Variants in STPG2 observed in about 807,000 individuals in gnomAD.
STPG2 encodes sperm-tail PG-rich repeat-containing protein 2.
A neutral mutation model predicts 54.2 loss-of-function variants in STPG2; 56 were observed. That is an observed-to-expected ratio of 1.03 (90% confidence interval 0.83 to 1.29). The LOEUF is 1.29. STPG2 is among the 50% of genes most tolerant of loss of function. The pLI is 0.00. For missense variants in STPG2, 596 were observed against 544.9 expected (o/e 1.09, Z -0.93); for synonymous variants, 200 against 181.8 (o/e 1.10, Z -0.81).
chr4:97,966,120 A>G (rs567445440), intron 7 of STPG2, among the ~76,000 whole-genome samples: 2 of 152,344 alleles, frequency 1.3e-5, no homozygotes, highest in South Asian at 4.1e-4. Context: ...CAAGCAAGCT[A>G]GCTAAAAACC....
chr4:98,030,906 A>G (rs1407853893), intron 5 of STPG2, among the ~76,000 whole-genome samples: 1 of 152,140 alleles, frequency 6.6e-6, no homozygotes. Context: ...TAAAGACTTA[A>G]ATTTTAAAAT....
intron 10 of STPG2, among the ~76,000 whole-genome samples, chr4:97,689,753 T>A (rs1444084407): frequency 2.0e-5 from 3 of 152,126 alleles, no homozygotes; most frequent in Non-Finnish European, 2.9e-5. Flanking sequence ...TAATACTATT[T>A]AAGACACAAG....
chr4:98,030,156 A>G (rs1736548796), intron 5 of STPG2, among the ~76,000 whole-genome samples: 1 of 152,198 alleles, frequency 6.6e-6, no homozygotes, highest in Admixed American at 6.5e-5. Flanking sequence ...AATGCCATCA[A>G]TATACCAGAC....
At chr4:97,769,587 G>T (rs1249916622) in intron 9 of STPG2, among the ~76,000 whole-genome samples, 4 of 151,942 alleles carry the variant, frequency 2.6e-5, no homozygotes, top group Middle Eastern at 3.4e-3. Flanking sequence ...TAATACTTAA[G>T]CACTAAAGGA....
At chr4:97,461,369 C>T (rs1358871150) in intron 4 of STPG2, among the ~76,000 whole-genome samples, 1 of 152,102 alleles carries the variant, frequency 6.6e-6, no homozygotes, top group Non-Finnish European at 1.5e-5. Context: ...GAAATCCTAC[C>T]TCTTGCAATG....
intron 7 of STPG2, among the ~76,000 whole-genome samples, chr4:97,954,671 A>C (rs1031297527): frequency 5.3e-5 from 8 of 152,220 alleles, no homozygotes; most frequent in Admixed American, 2.0e-4. Context: ...GTAATGGCAA[A>C]AATGTAATCA....
chr4:97,778,090 G>C (rs1028859340), intron 9 of STPG2, among the ~76,000 whole-genome samples: 1 of 152,144 alleles, frequency 6.6e-6, no homozygotes, highest in African/African-American at 2.4e-5. Flanking sequence ...GCAGCCCACC[G>C]AGCATAAGCC....
At chr4:97,501,035 T>G (rs924090242) in intron 4 of STPG2, among the ~76,000 whole-genome samples, 1 of 151,954 alleles carries the variant, frequency 6.6e-6, no homozygotes, top group African/African-American at 2.4e-5. Context: ...CTAGAAGAGA[T>G]AGAAAATGTT....
intron 8 of STPG2, among the ~76,000 whole-genome samples, chr4:97,855,814 C>A (rs1380088135): frequency 6.6e-6 from 1 of 152,062 alleles, no homozygotes; most frequent in African/African-American, 2.4e-5. Flanking sequence ...ACATTTAAGT[C>A]TTTAATCCAT....
intron 10 of STPG2, among the ~76,000 whole-genome samples, chr4:97,642,147 T>C (rs1721784402): frequency 6.6e-6 from 1 of 151,380 alleles, no homozygotes; most frequent in African/African-American, 2.4e-5. Context: ...ATTAGACCTA[T>C]TTGTAGAGTG....
chr4:97,511,719 C>T (rs1275195513), intron 4 of STPG2, among the ~76,000 whole-genome samples: 1 of 151,904 alleles, frequency 6.6e-6, no homozygotes, highest in African/African-American at 2.4e-5. Flanking sequence ...ACTTGAGGAT[C>T]GCTTACCATA....
At chr4:97,562,345 A>T (rs183419283) in intron 10 of STPG2, among the ~76,000 whole-genome samples, 2 of 152,178 alleles carry the variant, frequency 1.3e-5, no homozygotes, top group Non-Finnish European at 2.9e-5. Flanking sequence ...TTTTGGGCTG[A>T]GAAAATGGGG....
intron 10 of STPG2, among the ~76,000 whole-genome samples, chr4:97,568,129 A>C (rs181284625): frequency 6.6e-6 from 1 of 152,322 alleles, no homozygotes; most frequent in East Asian, 1.9e-4. Flanking sequence ...AAAAACAAAA[A>C]CATAAACAAA....
intron 10 of STPG2, among the ~76,000 whole-genome samples, chr4:97,684,955 T>C (rs1345853920): frequency 1.3e-5 from 2 of 151,982 alleles, no homozygotes; most frequent in African/African-American, 4.8e-5. Context: ...AGATGGCAAG[T>C]AAGCATATAA....
intron 10 of STPG2, among the ~76,000 whole-genome samples, chr4:97,567,189 AACACACACAC>A (rs142654573): frequency 6.9e-6 from 1 of 145,384 alleles, no homozygotes; most frequent in Non-Finnish European, 1.5e-5. Flanking sequence ...TCATAGCTGT[AACACACACAC>A]ACACACACAC....
chr4:97,447,446 C>A (rs1182438160), intron 4 of STPG2, among the ~76,000 whole-genome samples: 1 of 152,178 alleles, frequency 6.6e-6, no homozygotes, highest in Non-Finnish European at 1.5e-5. Context: ...GCAGCCCCTC[C>A]TATCACAGGC....
At position 97,872,702 on chromosome 4, in the gene STPG2, A is replaced by C. The variant is rs138573179; in HGVS notation, c.1045-31770T>G. Among the ~76,000 whole-genome samples, 7 of 151,370 alleles carry C rather than the reference A, an allele frequency of 4.6e-5. No individual in the cohort carries two copies. In the East Asian group the frequency reaches 9.7e-4, roughly 21 times the overall value. ...ATGACAGATCATAGGTTAATTAATA[A>C]ATTTAATAAAAACAATCATTTTTAT... On this transcript the variant is annotated intron_variant, in intron 8 of 10. Coordinates refer to ENST00000295268, the MANE Select transcript of STPG2 (RefSeq NM_174952.3).
At chr4:97,802,687 T>G (rs1261093174) in intron 9 of STPG2, among the ~76,000 whole-genome samples, 1 of 152,070 alleles carries the variant, frequency 6.6e-6, no homozygotes, top group Non-Finnish European at 1.5e-5. Context: ...GCCAGGCTGG[T>G]CTCAAACTCC....
chr4:97,999,880 G>C (rs1318967330), intron 5 of STPG2, among the ~76,000 whole-genome samples: 1 of 152,142 alleles, frequency 6.6e-6, no homozygotes, highest in Admixed American at 6.6e-5. Context: ...TGTATATTTG[G>C]AAGTGATTAT....
Sources: gnomAD v4.1 joint callset for allele counts (sites outside exome capture counted in the v4.1 genomes callset) on GRCh38, gnomAD v4.1.1 for gene constraint, MANE v1.5 for transcripts, NCBI Gene and HGNC (gene_info 2026-07-23, HGNC 2026-07-21) for gene names.